Variants in GALNT13 observed in about 807,000 individuals in gnomAD.
GALNT13 encodes polypeptide N-acetylgalactosaminyltransferase 13, also known as UDP-GalNAc:polypeptide N-acetylgalactosaminyltransferase 13.
In GALNT13, 28 loss-of-function variants were observed where a neutral mutation model predicts 64.2. That is an observed-to-expected ratio of 0.44 (90% CI 0.32 to 0.60). GALNT13 has a LOEUF of 0.60. GALNT13 is among the 20% of genes least tolerant of loss of function. GALNT13 has a pLI of 0.05. For synonymous variants in GALNT13, 214 were observed against 224.6 expected, an observed-to-expected ratio of 0.95 and a Z score of 0.42; for missense variants, 577 against 669.8, an observed-to-expected ratio of 0.86 and a Z score of 1.53.
chr2:154,318,981 T>C (rs1012198693), intron 9 of GALNT13, among the ~76,000 whole-genome samples: 1 of 152,030 alleles, frequency 6.6e-6, no homozygotes, highest in Non-Finnish European at 1.5e-5. Flanking sequence ...TAAAGACTAA[T>C]TGAATATTCA....
intron 4 of GALNT13, among the ~76,000 whole-genome samples, chr2:154,142,861 TG>T (rs1447337943): frequency 6.6e-6 from 1 of 152,032 alleles, no homozygotes; most frequent in Non-Finnish European, 1.5e-5. Context: ...TATATTTGTT[TG>T]TATATAGATA....
At chr2:153,711,303 G>A in the GALNT13 span, among the ~76,000 whole-genome samples, 5 of 152,158 alleles carry the variant, frequency 3.3e-5, no homozygotes, top group African/African-American at 7.2e-5. Context: ...ACTAAAATCT[G>A]GCCTCAAGTT....
At chr2:153,439,379 A>G in the GALNT13 span, among the ~76,000 whole-genome samples, 1 of 152,134 alleles carries the variant, frequency 6.6e-6, no homozygotes, top group East Asian at 1.9e-4. Flanking sequence ...TGCAGAGGTT[A>G]CTGCTGCCTT....
the GALNT13 span, among the ~76,000 whole-genome samples, chr2:153,254,254 G>A: frequency 0.34 from 50,894 of 151,848 alleles, 8,747 homozygotes; most frequent in Middle Eastern, 0.5. Context: ...GTTTATTTGC[G>A]TAGAGGTATT....
At chr2:153,734,512 T>G in the GALNT13 span, among the ~76,000 whole-genome samples, 1 of 152,198 alleles carries the variant, frequency 6.6e-6, no homozygotes, top group African/African-American at 2.4e-5. Flanking sequence ...GCAGCCTTCT[T>G]AAACTGCAGG....
the GALNT13 span, among the ~76,000 whole-genome samples, chr2:153,782,564 T>G: frequency 6.6e-6 from 1 of 152,184 alleles, no homozygotes; most frequent in Admixed American, 6.5e-5. Context: ...ATGCAGTGAA[T>G]GACCAATTAA....
chr2:153,269,375 C>A, the GALNT13 span, among the ~76,000 whole-genome samples: 1 of 152,314 alleles, frequency 6.6e-6, no homozygotes, highest in Non-Finnish European at 1.5e-5. Flanking sequence ...AGTCTCTTTG[C>A]TAAAGCATAG....
At chr2:153,377,901 A>AT in the GALNT13 span, among the ~76,000 whole-genome samples, 1 of 152,186 alleles carries the variant, frequency 6.6e-6, no homozygotes, top group Middle Eastern at 3.4e-3. Context: ...TTTCTTAAAT[A>AT]TTTTTCAGAA....
chr2:153,733,353 A>T, the GALNT13 span, among the ~76,000 whole-genome samples: 1 of 152,148 alleles, frequency 6.6e-6, no homozygotes, highest in Non-Finnish European at 1.5e-5. Context: ...ATGTGTTCTG[A>T]AAACTTCAAG....
the GALNT13 span, among the ~76,000 whole-genome samples, chr2:153,079,870 T>C: frequency 6.6e-6 from 1 of 152,192 alleles, no homozygotes; most frequent in African/African-American, 2.4e-5. Context: ...GCAAGGTGTT[T>C]TTACTATCTC....
At chr2:153,534,372 T>C in the GALNT13 span, among the ~76,000 whole-genome samples, 55 of 152,256 alleles carry the variant, frequency 3.6e-4, no homozygotes, top group Middle Eastern at 3.4e-3. Flanking sequence ...GGCCTATGAC[T>C]CTGGACTAAC....
chr2:153,675,982 C>T, the GALNT13 span, among the ~76,000 whole-genome samples: 2 of 151,836 alleles, frequency 1.3e-5, no homozygotes, highest in Non-Finnish European at 2.9e-5. Flanking sequence ...AAATCAGCCC[C>T]AAAGCTAGGA....
At chr2:153,911,915 G>T (rs1448035447) in intron 2 of GALNT13, among the ~76,000 whole-genome samples, 6 of 151,928 alleles carry the variant, frequency 3.9e-5, no homozygotes, top group Non-Finnish European at 7.4e-5. Context: ...ATTTTGTGGG[G>T]GTTCTCTGCA....
At chr2:153,298,525 G>T in the GALNT13 span, among the ~76,000 whole-genome samples, 1 of 152,152 alleles carries the variant, frequency 6.6e-6, no homozygotes. Flanking sequence ...GGAGATTAAT[G>T]AATAATTGTT....
At chr2:154,023,452 C>A (rs1697691484) in intron 3 of GALNT13, among the ~76,000 whole-genome samples, 1 of 152,134 alleles carries the variant, frequency 6.6e-6, no homozygotes. Flanking sequence ...TATGTGATGG[C>A]CTTCTTTGTC....
At chr2:153,856,790 T>A in the GALNT13 span, among the ~76,000 whole-genome samples, 1 of 152,140 alleles carries the variant, frequency 6.6e-6, no homozygotes, top group African/African-American at 2.4e-5. Context: ...AATGAGTACA[T>A]GTGTTAAACT....
At chr2:153,693,625 G>A in the GALNT13 span, among the ~76,000 whole-genome samples, 16 of 151,932 alleles carry the variant, frequency 1.1e-4, no homozygotes, top group Non-Finnish European at 1.9e-4. Context: ...TCAATATTTA[G>A]AGGAGAAAGG....
At chr2:153,557,076 C>T in the GALNT13 span, among the ~76,000 whole-genome samples, 3 of 152,052 alleles carry the variant, frequency 2.0e-5, no homozygotes, top group African/African-American at 7.2e-5. Context: ...CACATAATGA[C>T]ATTTCCATCA....
chr2:154,071,395 A>G (rs80236149), intron 3 of GALNT13, among the ~76,000 whole-genome samples: 4,816 of 152,286 alleles, frequency 0.032, 166 homozygotes, highest in East Asian at 0.13. Context: ...TAATCCTAAT[A>G]TAGGGTCACA....
Sources: gnomAD v4.1 joint callset for allele counts (sites outside exome capture counted in the v4.1 genomes callset) on GRCh38, gnomAD v4.1.1 for gene constraint, MANE v1.5 for transcripts, NCBI Gene and HGNC (gene_info 2026-07-23, HGNC 2026-07-21) for gene names.